The following LARGE1 variants were observed in gnomAD, a reference collection of about 807,000 sequenced individuals.
LARGE1 encodes the protein xylosyl- and glucuronyltransferase LARGE1.
In LARGE1, 43 loss-of-function variants were observed where a neutral mutation model predicts 87.6. The observed-to-expected ratio is 0.49, with a 90% CI of 0.38 to 0.63. LARGE1 has a LOEUF of 0.63. Ranked by LOEUF, LARGE1 falls within the 30% of genes least tolerant of loss-of-function variation. LARGE1 has a pLI of 0.00. For synonymous variants in LARGE1, 434 were observed against 394.6 expected, an observed-to-expected ratio of 1.10 and a Z score of -1.18; for missense variants, 802 against 1,000.2, an observed-to-expected ratio of 0.80 and a Z score of 2.67.
At chr22:33,182,812 A>C (rs1383051230) in intron 11 of LARGE1, among the ~76,000 whole-genome samples, 1 of 152,310 alleles carries the variant, frequency 6.6e-6, no homozygotes, top group East Asian at 1.9e-4. Flanking sequence ...ACAAAAGTCA[A>C]CTCAATGGAT....
chr22:33,621,264 G>A lies in LARGE1; in HGVS notation c.491+4980C>T, dbSNP rs555537750. Among the ~76,000 whole-genome samples, 12 of 152,096 alleles carry A rather than the reference G, an allele frequency of 7.9e-5. No individual in the cohort carries two copies. The East Asian group carries it at 2.1e-3, about 27-fold the overall frequency. On this transcript the variant is annotated intron_variant, in intron 4 of 14. Coordinates refer to ENST00000397394, the MANE Select transcript of LARGE1 (RefSeq NM_133642.5). ...TTATAAAAGGTTTTTCTATTGTTAG[G>A]GTTCTCTTTTTAAGGGAGAGTCCCT...
the LARGE1 span, among the ~76,000 whole-genome samples, chr22:33,111,000 G>A: frequency 2.0e-5 from 3 of 152,332 alleles, no homozygotes; most frequent in South Asian, 4.1e-4. Context: ...CAAGCTGTAT[G>A]ATGTGTGTTG....
At chr22:33,324,305 C>CCA (rs1412068977) in intron 10 of LARGE1, among the ~76,000 whole-genome samples, 2 of 117,408 alleles carry the variant, frequency 1.7e-5, no homozygotes, top group African/African-American at 3.7e-5. Context: ...ACCCCCCCCC[C>CCA]AAAACAAACA....
In LARGE1 at chr22:33,741,686, G is replaced by C. The variant is rs1429684722; in HGVS notation, c.106+19685C>G. On this transcript the variant is annotated intron_variant, in intron 2 of 14. Coordinates refer to ENST00000397394, the MANE Select transcript of LARGE1 (RefSeq NM_133642.5). The stretch of plus-strand genomic sequence containing the variant: ...TCTCACGATGCCACAGGCAGGATGA[G>C]GTGAGGACCCCGTGAAAGCGACTGC... 2.0e-5 allele frequency among the ~76,000 whole-genome samples: 3 copies of C among 152,212 alleles called. No individual in the cohort carries two copies. The South Asian group carries it at 6.2e-4, about 32-fold the overall frequency.
rs1476704501 is a variant in LARGE1 at position 33,282,770 on chromosome 22, CA to C, written c.1877+431del. On this transcript the variant is annotated intron_variant, in intron 13 of 14. Transcript: ENST00000397394. ...CTCAAAGAACAGACCACTCATACCA[CA>C]AATAAAAAGGAAAACTGCCACAGTG... Among the ~76,000 whole-genome samples the C allele has an allele frequency of 4.6e-5, 7 of 152,218 alleles. No homozygotes were observed. The East Asian group carries it at 9.7e-4, about 21-fold the overall frequency.
intron 1 of LARGE1, among the ~76,000 whole-genome samples, chr22:33,900,803 T>C (rs2065261761): frequency 6.6e-6 from 1 of 152,158 alleles, no homozygotes; most frequent in Admixed American, 6.5e-5. Flanking sequence ...TCCCAGCACT[T>C]TGGGAGGCCG....
chr22:33,124,800 G>A, the LARGE1 span, among the ~76,000 whole-genome samples: 1 of 152,254 alleles, frequency 6.6e-6, no homozygotes, highest in South Asian at 2.1e-4. Context: ...CCAGAAGTTC[G>A]AGACCAGCCT....
At chr22:33,168,203 C>A (rs906129933) in intron 11 of LARGE1, among the ~76,000 whole-genome samples, 3 of 152,206 alleles carry the variant, frequency 2.0e-5, no homozygotes, top group African/African-American at 7.2e-5. Flanking sequence ...CTGCCAGCAA[C>A]AAGATTAATA....
intron 2 of LARGE1, among the ~76,000 whole-genome samples, chr22:33,728,118 T>C (rs1258142893): frequency 1.3e-5 from 2 of 152,228 alleles, no homozygotes; most frequent in Non-Finnish European, 1.5e-5. Context: ...TCAATTCATA[T>C]GATCTGGCTC....
chr22:33,446,422 TG>T (rs1420190780), intron 6 of LARGE1, among the ~76,000 whole-genome samples: 1 of 152,158 alleles, frequency 6.6e-6, no homozygotes, highest in Non-Finnish European at 1.5e-5. Context: ...CCACTATGTG[TG>T]GCTGGCGTCT....
chr22:33,828,479 C>G (rs1384208534), intron 1 of LARGE1, among the ~76,000 whole-genome samples: 1 of 152,228 alleles, frequency 6.6e-6, no homozygotes, highest in African/African-American at 2.4e-5. Context: ...CAGCACACAG[C>G]AGCAGCTTGT....
chr22:33,522,064 G>A (rs1177702916), intron 6 of LARGE1, among the ~76,000 whole-genome samples: 4 of 152,112 alleles, frequency 2.6e-5, no homozygotes, highest in Admixed American at 6.5e-5. Flanking sequence ...TCATTACCAC[G>A]GGGATGGCAC....
chr22:33,875,596 C>T (rs2064437888), intron 1 of LARGE1, among the ~76,000 whole-genome samples: 1 of 152,256 alleles, frequency 6.6e-6, no homozygotes, highest in Non-Finnish European at 1.5e-5. Flanking sequence ...TCCACAGCAA[C>T]CAACAGGCAG....
At chr22:33,419,543 C>A (rs1028950621) in intron 7 of LARGE1, among the ~76,000 whole-genome samples, 1 of 152,070 alleles carries the variant, frequency 6.6e-6, no homozygotes, top group African/African-American at 2.4e-5. Context: ...CAGGTCTTAG[C>A]TCAAATGTCG....
intron 1 of LARGE1, among the ~76,000 whole-genome samples, chr22:33,822,346 A>T (rs2086850114): frequency 6.6e-6 from 1 of 152,140 alleles, no homozygotes; most frequent in South Asian, 2.1e-4. Context: ...CCCCTTTCAA[A>T]TGCACTGTTG....
chr22:33,312,363 C>A (rs1159128865), intron 11 of LARGE1, among the ~76,000 whole-genome samples: 1 of 151,100 alleles, frequency 6.6e-6, no homozygotes, highest in Non-Finnish European at 1.5e-5. Flanking sequence ...TCGCTCGAAC[C>A]CAGAAGGGGA....
chr22:33,324,837 A>C (rs746491180), intron 10 of LARGE1, among the ~76,000 whole-genome samples: 8 of 152,224 alleles, frequency 5.3e-5, no homozygotes, highest in Non-Finnish European at 1.2e-4. Context: ...TGAGCAAGTC[A>C]TGTCTCTGAA....
chr22:33,074,619 G>A, the LARGE1 span, among the ~76,000 whole-genome samples: 1 of 150,654 alleles, frequency 6.6e-6, no homozygotes. Flanking sequence ...AGGATGCAGT[G>A]AGCCGAGATC....
At chr22:33,698,935 A>G (rs555274543) in intron 2 of LARGE1, among the ~76,000 whole-genome samples, 2 of 152,232 alleles carry the variant, frequency 1.3e-5, no homozygotes, top group East Asian at 1.9e-4. Context: ...TTATATACCT[A>G]TTTCTTCACT....
Sources: allele counts gnomAD v4.1 joint callset (sites outside exome capture counted in the v4.1 genomes callset), GRCh38; gene constraint gnomAD v4.1.1; transcripts MANE v1.5; gene names NCBI Gene and HGNC (gene_info 2026-07-23, HGNC 2026-07-21).